The following DLGAP5 variants were observed in gnomAD, a reference collection of about 807,000 sequenced individuals.
The protein encoded by DLGAP5 is DLG associated protein 5.
DLGAP5 carries 90 observed loss-of-function variants against 99.6 expected under a neutral mutation model. The ratio of observed to expected loss-of-function variants is 0.90; its 90% CI spans 0.76 to 1.08. The LOEUF is 1.08. DLGAP5 is among the 50% of genes least tolerant of loss of function. The pLI is 0.00. For missense variants in DLGAP5, 1,036 were observed against 983.5 expected (o/e 1.05, Z -0.71); for synonymous variants, 311 against 321.3 (o/e 0.97, Z 0.34).
At chr14:55,175,787 CAAGT>C in intron 9 of DLGAP5, 103 bp downstream of exon 9, 2 of 1,002,364 alleles carry the variant, frequency 2.0e-6, no homozygotes, top group Non-Finnish European at 2.8e-6. Context: ...ACAAATCTGA[CAAGT>C]AATAATCCAG....
At position 55,158,620 on chromosome 14, in the gene DLGAP5, C is replaced by T; in HGVS notation, c.1775G>A (p.Cys592Tyr). 1 of 1,614,140 alleles carries T rather than the reference C, an allele frequency of 6.2e-7. No homozygotes were observed. The highest frequency in any genetic ancestry group is 1.7e-5 in the Admixed American group (1 of 60,008). The change falls in exon 14 of 19, where the codon TGT (cysteine) becomes TAT (tyrosine). Residue 592 changes from cysteine to tyrosine, a missense_variant. Physicochemically the swap from Cys to Tyr is radical, Grantham distance 194. Coordinates refer to ENST00000247191, the MANE Select transcript of DLGAP5 (RefSeq NM_014750.5). ...TATCACAGAAACTGCTGTTTCAGCACATTCTTCCTGCCTAATTCTCTCTCT... is the reference window on the plus strand; with the variant it reads ...TATCACAGAAACTGCTGTTTCAGCATATTCTTCCTGCCTAATTCTCTCTCT... Reference protein sequence around the residue: ...AMRERIRQEECAETAVSVIPK... With the variant: ...AMRERIRQEEYAETAVSVIPK...
Position 55,177,314 on chromosome 14 carries a change from C to T in DLGAP5, c.797G>A (p.Ser266Asn), listed in dbSNP as rs1399159335. The T allele has an allele frequency of 1.9e-6, 3 of 1,602,860 alleles. No homozygotes were observed. Among genetic ancestry groups the T allele is most frequent in the Non-Finnish European group, 2.6e-6 (3 of 1,175,846 alleles). The change falls in exon 8 of 19, where the codon AGT (serine) becomes AAT (asparagine). Residue 266 changes from serine (S) to asparagine (N), a missense_variant. By Grantham distance (46) the Ser-to-Asn change is conservative. Coordinates refer to ENST00000247191, the MANE Select transcript of DLGAP5 (RefSeq NM_014750.5). The stretch of plus-strand genomic sequence containing the variant: ...TTGTGAATTCAAAGTATTTTCTTCA[C>T]TATCGACTTTACAAGAAATACCCTA... ...PDKGISCKVD[S>N]EENTLNSQTN...
At chr14:55,149,820 G>GC (rs1566491659) in intron 18 of DLGAP5, among the ~76,000 whole-genome samples, 1 of 137,106 alleles carries the variant, frequency 7.3e-6, no homozygotes, top group East Asian at 2.5e-4. Context: ...CGGGGCGGGG[G>GC]GGGGGCATCA....
rs1317612720 is a variant in DLGAP5, at chr14:55,189,176, A to G, written c.4T>C (p.Ser2Pro). 1 of 1,611,360 alleles carries G rather than the reference A, an allele frequency of 6.2e-7. No homozygotes were observed. The highest frequency in any genetic ancestry group is 2.2e-5 in the East Asian group (1 of 44,814). Residue 2 changes from serine (S) to proline (P), a missense_variant, in exon 2 of 19, where the codon TCT becomes CCT. By Grantham distance (74) the Ser-to-Pro change is moderately conservative (BLOSUM62 -1). Coordinates refer to ENST00000247191, the MANE Select transcript of DLGAP5 (RefSeq NM_014750.5). M[S>P]SSHFASRHRK... is the part of the protein sequence containing the mutation. ...TGTCGACTGGCAAAATGTGATGAAG[A>G]CATCCTGTCAAGGAAAAGGACAAAA...
Position 55,169,466 on chromosome 14 carries a change from T to C in DLGAP5, c.1481A>G (p.Tyr494Cys). The change falls in exon 12 of 19, where the codon TAT becomes TGT. Residue 494 changes from tyrosine to cysteine, a missense_variant. Tyr to Cys is a radical substitution (Grantham distance 194). Transcript: ENST00000247191. The part of the protein sequence containing the change: ...QFEGLVDDCE[Y>C]KRGIKETTCT... ...GGTAGTCTCCTTTATACCTCGTTTA[T>C]ATTCACAATCATCAACCAGTCCTTC... The C allele has an allele frequency of 6.2e-7, 1 of 1,613,248 alleles. No individual in the cohort carries two copies. Among genetic ancestry groups the C allele is most frequent in the East Asian group, 2.2e-5 (1 of 44,804 alleles).
At chr14:55,157,963 A>G in intron 14 of DLGAP5, among the ~76,000 whole-genome samples, 1 of 152,158 alleles carries the variant, frequency 6.6e-6, no homozygotes, top group African/African-American at 2.4e-5. Flanking sequence ...GGATCTCACT[A>G]AATTGCCCAG....
chr14:55,174,783 C>A (rs1882997139), intron 10 of DLGAP5, among the ~76,000 whole-genome samples: 1 of 151,674 alleles, frequency 6.6e-6, no homozygotes, highest in Non-Finnish European at 1.5e-5. Context: ...CTCCGCCTCC[C>A]AGGTTCAAGC....
chr14:55,183,479 G>A, intron 3 of DLGAP5, 81 bp downstream of exon 3: 2 of 1,200,294 alleles, frequency 1.7e-6, no homozygotes, highest in South Asian at 1.8e-5. Context: ...GAGACTAAGG[G>A]AAAGGGGTTA....
At chr14:55,175,497 T>C in intron 9 of DLGAP5, 25 bp from the exon 10 acceptor site, 2 of 1,167,208 alleles carry the variant, frequency 1.7e-6, no homozygotes, top group Non-Finnish European at 2.4e-6. Flanking sequence ...AAATCTTACA[T>C]ATAAATTTCA....
Position 55,169,562 on chromosome 14 carries a change from G to A in DLGAP5, c.1388-3C>T, listed in dbSNP as rs1349968988. ...TGCTGTGCGAATAAGATCTTTAGCT[G>A]AAGGAAATAAGAGATTTTTTAAAAT... On this transcript the variant is annotated splice_region_variant and splice_polypyrimidine_tract_variant and intron_variant, in intron 11 of 18. Coordinates refer to ENST00000247191, the MANE Select transcript of DLGAP5 (RefSeq NM_014750.5). 3 of 1,579,952 alleles carry A rather than the reference G, an allele frequency of 1.9e-6. No homozygotes were observed. The highest frequency in any genetic ancestry group is 2.8e-5 in the African/African-American group (2 of 72,622).
In DLGAP5 at chr14:55,163,089, A is replaced by C; in HGVS notation, c.1549-14T>G. 1 of 1,521,498 alleles carries C rather than the reference A, an allele frequency of 6.6e-7. No individual in the cohort carries two copies. The highest frequency in any genetic ancestry group is 9.0e-7 in the Non-Finnish European group (1 of 1,113,530). The allele number at this position is 1,521,498 out of a possible 1,614,324, so 94.2% of individuals were successfully genotyped here. A position where few individuals can be genotyped will look rare whatever the true frequency, so the allele number is the denominator to read the frequency against. ...TACATCTTCTATCTGTTAATAAAGCACAAGTTTACCAGATTAATGCTAGCC... is the reference window on the plus strand; with the variant it reads ...TACATCTTCTATCTGTTAATAAAGCCCAAGTTTACCAGATTAATGCTAGCC... On this transcript the variant is annotated splice_polypyrimidine_tract_variant and intron_variant, in intron 12 of 18. Transcript: ENST00000247191.
chr14:55,157,297 C>T (rs1011258048), intron 14 of DLGAP5, among the ~76,000 whole-genome samples: 3 of 152,126 alleles, frequency 2.0e-5, no homozygotes, highest in Admixed American at 6.5e-5. Context: ...GTAAAAACCA[C>T]GAAGATCCTT....
At chr14:55,170,633 TTA>T (rs1363725585) in intron 11 of DLGAP5, 67 bp downstream of exon 11, 67 of 1,333,524 alleles carry the variant, frequency 5.0e-5, no homozygotes, top group Non-Finnish European at 7.1e-5. Context: ...TGCTATATTT[TTA>T]TGTTTCAGAT....
chr14:55,191,557 C>CA lies in DLGAP5; in HGVS notation c.-97dup, dbSNP rs1270306690. The CA allele has an allele frequency of 2.0e-5, 3 of 152,852 alleles. No homozygotes were observed. Among genetic ancestry groups the CA allele is most frequent in the African/African-American group, 7.2e-5 (3 of 41,538 alleles). 9.5% of individuals were successfully genotyped at this position (152,852 alleles called of 1,614,324 possible). A position where few individuals can be genotyped will look rare whatever the true frequency, so the allele number is the denominator to read the frequency against. On this transcript the variant is annotated 5_prime_UTR_variant, in exon 1 of 19. Coordinates refer to ENST00000247191, the MANE Select transcript of DLGAP5 (RefSeq NM_014750.5). ...GCCGACTCCGAAGCAGGAACCCTCA[C>CA]AACCCGAGCCTCCACGAAATTCAAA... is the stretch of plus-strand genomic sequence containing the variant.
chr14:55,173,428 C>G (rs1413439045), intron 10 of DLGAP5, among the ~76,000 whole-genome samples: 1 of 151,830 alleles, frequency 6.6e-6, no homozygotes, highest in Non-Finnish European at 1.5e-5. Flanking sequence ...CATTTCAAAA[C>G]AAAAGAAAAG....
intron 10 of DLGAP5, among the ~76,000 whole-genome samples, chr14:55,173,531 T>G (rs1882942671): frequency 6.6e-6 from 1 of 152,144 alleles, no homozygotes; most frequent in African/African-American, 2.4e-5. Context: ...TCTATTTGAT[T>G]TGCAAACAGA....
rs144896036 is a variant in DLGAP5 at position 55,177,971 on chromosome 14, G to A, written c.775-635C>T. 5.5e-4 allele frequency among the ~76,000 whole-genome samples: 84 copies of A among 151,484 alleles called. No individual in the cohort carries two copies. The East Asian group carries it at 9.2e-3, about 17-fold the overall frequency. On this transcript the variant is annotated intron_variant, in intron 7 of 18. Transcript: ENST00000247191. ...TTACTTAAATTATGTTGATAATTAC[G>A]GCCAGGCACGGTGGCTCATGCCTGT...
intron 16 of DLGAP5, 146 bp from the exon 17 acceptor site, chr14:55,152,087 G>A: frequency 2.7e-6 from 2 of 752,480 alleles, no homozygotes; most frequent in Non-Finnish European, 4.1e-6. Flanking sequence ...CTACTATCCT[G>A]CTTCTTCAAC....
intron 2 of DLGAP5, among the ~76,000 whole-genome samples, 163 bp downstream of exon 2, chr14:55,188,779 T>TAAAA (rs397852487): frequency 8.6e-6 from 1 of 116,244 alleles, no homozygotes; most frequent in Non-Finnish European, 1.8e-5. Context: ...TCTTGTAATT[T>TAAAA]AAAAAAAAAA....
Sources: allele counts gnomAD v4.1 joint callset (sites outside exome capture counted in the v4.1 genomes callset), GRCh38; gene constraint gnomAD v4.1.1; transcripts MANE v1.5; gene names NCBI Gene and HGNC (gene_info 2026-07-23, HGNC 2026-07-21).